DOK6: variants seen among roughly 807,000 people sequenced by gnomAD.
DOK6 encodes downstream of tyrosine kinase 6.
A neutral mutation model predicts 44.0 loss-of-function variants in DOK6; 22 were observed. The observed-to-expected ratio is 0.50, with a 90% CI of 0.36 to 0.71. The LOEUF (loss-of-function observed/expected upper bound fraction) is 0.71. Among genes scored for constraint, DOK6 ranks in the 30% least tolerant of loss-of-function variants. DOK6 has a pLI of 0.00. For missense variants in DOK6, 340 were observed against 416.4 expected (o/e 0.82, Z 1.60); for synonymous variants, 166 against 145.5 (o/e 1.14, Z -1.01).
At chr18:69,679,853 A>G (rs574412757) in intron 4 of DOK6, among the ~76,000 whole-genome samples, 42 of 152,298 alleles carry the variant, frequency 2.8e-4, no homozygotes, top group African/African-American at 9.6e-4. Flanking sequence ...TATAAAGAGA[A>G]ATTTTTAATA....
At chr18:69,547,862 G>A (rs1982447123) in intron 1 of DOK6, among the ~76,000 whole-genome samples, 1 of 149,490 alleles carries the variant, frequency 6.7e-6, no homozygotes, top group African/African-American at 2.4e-5. Flanking sequence ...TTGCATCCTT[G>A]TTGCTGTAAA....
rs895635993 is a variant in DOK6, at chr18:69,841,754, G to A, written c.*371G>A. ...TCTCACTGACCTCACAGCGCAGTCC[G>A]CCCATCTGAGCACAGGGTCTGTCCT... On this transcript the variant is annotated 3_prime_UTR_variant, in exon 8 of 8. Transcript: ENST00000382713. The A allele has an allele frequency of 4.9e-5, 10 of 204,306 alleles. No individual in the cohort carries two copies. The highest frequency in any genetic ancestry group is 1.0e-4 in the East Asian group (1 of 9,546). The allele number at this position is 204,306 out of a possible 1,614,324, so 12.7% of individuals were successfully genotyped here.
intron 7 of DOK6, among the ~76,000 whole-genome samples, chr18:69,835,286 C>G (rs1299394884): frequency 6.6e-6 from 1 of 152,036 alleles, no homozygotes; most frequent in Non-Finnish European, 1.5e-5. Flanking sequence ...CACGGTGAAA[C>G]CCCGTCTCTA....
chr18:69,640,403 A>C (rs1463309395), intron 3 of DOK6, among the ~76,000 whole-genome samples: 3 of 152,224 alleles, frequency 2.0e-5, no homozygotes, highest in Non-Finnish European at 4.4e-5. Context: ...TGCAAGCCTG[A>C]AAGATGTACC....
Position 69,757,790 on chromosome 18 carries a change from C to G in DOK6, c.773C>G (p.Ser258Cys). 1.2e-6 allele frequency: 2 copies of G among 1,614,080 alleles called. No homozygotes were observed. The highest frequency in any genetic ancestry group is 1.1e-5 in the South Asian group (1 of 91,088). The change falls in exon 7 of 8, where the codon TCC becomes TGC. Residue 258 changes from serine to cysteine, a missense_variant. By Grantham distance (112) the Ser-to-Cys change is moderately radical (BLOSUM62 -1). Coordinates refer to ENST00000382713, the MANE Select transcript of DOK6 (RefSeq NM_152721.6). ...AGCTTGACTGAACCAATGACATTAT[C>G]CAAATCAATATCTCTTCCTCGCAGC... ...QTSLTEPMTL[S>C]KSISLPRSAY...
intron 7 of DOK6, among the ~76,000 whole-genome samples, chr18:69,813,396 T>G (rs13353231): frequency 0.05 from 7,553 of 152,146 alleles, 491 homozygotes; most frequent in African/African-American, 0.16. Flanking sequence ...GAAGGCTAGA[T>G]TGTTGTCCTG....
At chr18:69,580,441 A>G (rs924617767) in intron 2 of DOK6, among the ~76,000 whole-genome samples, 2 of 152,176 alleles carry the variant, frequency 1.3e-5, no homozygotes, top group African/African-American at 4.8e-5. Flanking sequence ...GACCAACTGG[A>G]GAATACTCTG....
chr18:69,575,208 T>C (rs1021319949), intron 2 of DOK6, among the ~76,000 whole-genome samples: 1 of 152,104 alleles, frequency 6.6e-6, no homozygotes, highest in African/African-American at 2.4e-5. Context: ...GGGTGGTGGA[T>C]GCATGATTTT....
At chr18:69,672,650 G>A (rs181943135) in intron 3 of DOK6, among the ~76,000 whole-genome samples, 32 of 144,254 alleles carry the variant, frequency 2.2e-4, no homozygotes, top group African/African-American at 7.7e-4. Flanking sequence ...GAGCCACTGC[G>A]CCCGGCAGTG....
chr18:69,595,541 A>G (rs1176839693), intron 2 of DOK6, among the ~76,000 whole-genome samples: 3 of 152,122 alleles, frequency 2.0e-5, no homozygotes, highest in Non-Finnish European at 4.4e-5. Context: ...ATTGTTTCCC[A>G]TAAACTTTTT....
At chr18:69,587,315 G>T (rs562020444) in intron 2 of DOK6, among the ~76,000 whole-genome samples, 2 of 152,228 alleles carry the variant, frequency 1.3e-5, no homozygotes, top group Non-Finnish European at 2.9e-5. Context: ...AGTGGTTCCA[G>T]GTCTTCCTTG....
At chr18:69,506,465 T>C (rs1318919077) in intron 1 of DOK6, among the ~76,000 whole-genome samples, 2 of 152,154 alleles carry the variant, frequency 1.3e-5, no homozygotes, top group Non-Finnish European at 2.9e-5. Flanking sequence ...TCTGTAGTTT[T>C]GCCTTTGTAA....
intron 6 of DOK6, among the ~76,000 whole-genome samples, chr18:69,753,770 A>C (rs532253102): frequency 1.2e-4 from 18 of 152,176 alleles, no homozygotes; most frequent in Non-Finnish European, 2.2e-4. Context: ...AGTCTTATAA[A>C]TAACAAGGGA....
chr18:69,719,442 C>T (rs1361617823), intron 5 of DOK6, among the ~76,000 whole-genome samples: 2 of 152,182 alleles, frequency 1.3e-5, no homozygotes, highest in African/African-American at 4.8e-5. Context: ...GTGATATTAT[C>T]TGTTGGAGCA....
intron 3 of DOK6, among the ~76,000 whole-genome samples, chr18:69,635,902 T>G (rs904553411): frequency 9.2e-5 from 14 of 152,206 alleles, no homozygotes; most frequent in Non-Finnish European, 1.8e-4. Flanking sequence ...ACTTAGAAGG[T>G]TGCCCGTTTT....
intron 2 of DOK6, among the ~76,000 whole-genome samples, chr18:69,590,988 G>T (rs1365787601): frequency 6.6e-6 from 1 of 152,044 alleles, no homozygotes; most frequent in Non-Finnish European, 1.5e-5. Flanking sequence ...CTTTTCTACT[G>T]GTTTTCATTT....
chr18:69,841,412 G>T lies in DOK6; in HGVS notation c.*29G>T, dbSNP rs1568142781. On this transcript the variant is annotated 3_prime_UTR_variant, in exon 8 of 8. Coordinates refer to ENST00000382713, the MANE Select transcript of DOK6 (RefSeq NM_152721.6). ...ACAGAGAGCCGCTGTTGACTAGAGAGACAGTCTGTCCTGGACCCGTCTGTG... is the reference window on the plus strand; with the variant it reads ...ACAGAGAGCCGCTGTTGACTAGAGATACAGTCTGTCCTGGACCCGTCTGTG... 1.2e-6 allele frequency: 2 copies of T among 1,613,942 alleles called. No individual in the cohort carries two copies. Among genetic ancestry groups the T allele is most frequent in the Admixed American group, 1.7e-5 (1 of 60,024 alleles).
intron 3 of DOK6, among the ~76,000 whole-genome samples, chr18:69,659,153 G>T (rs1985444195): frequency 6.6e-6 from 1 of 152,186 alleles, no homozygotes. Context: ...CTGGCACCCT[G>T]AGCTCTGCAT....
At chr18:69,811,831 C>T (rs1981248357) in intron 7 of DOK6, among the ~76,000 whole-genome samples, 1 of 151,862 alleles carries the variant, frequency 6.6e-6, no homozygotes, top group African/African-American at 2.4e-5. Flanking sequence ...GAAGGAACCT[C>T]AGATCTCCTG....
Sources: gnomAD v4.1 joint callset for allele counts (sites outside exome capture counted in the v4.1 genomes callset) on GRCh38, gnomAD v4.1.1 for gene constraint, MANE v1.5 for transcripts, NCBI Gene and HGNC (gene_info 2026-07-23, HGNC 2026-07-21) for gene names.